Variants in SRP19 observed in about 807,000 individuals in gnomAD.
SRP19 encodes the protein signal recognition particle 19, also known as signal recognition particle 19 kDa protein.
A neutral mutation model predicts 22.4 loss-of-function variants in SRP19; 11 were observed. The ratio of observed to expected loss-of-function variants is 0.49; its 90% CI spans 0.31 to 0.81. The LOEUF (loss-of-function observed/expected upper bound fraction) is 0.81. Among genes scored for constraint, SRP19 ranks in the 40% least tolerant of loss-of-function variants. SRP19 has a pLI of 0.05. For synonymous variants in SRP19, 61 were observed against 57.6 expected (o/e 1.06, Z -0.27); for missense variants, 168 against 175.9 (o/e 0.96, Z 0.25).
intron 4 of SRP19, among the ~76,000 whole-genome samples, chr5:112,884,518 C>T (rs1768172424): frequency 6.6e-6 from 1 of 151,968 alleles, no homozygotes; most frequent in Non-Finnish European, 1.5e-5. Flanking sequence ...GCTGGCACCA[C>T]AGGCTTGCAT....
At chr5:112,898,053 T>C (rs153552), downstream of SRP19, 78,992 of 152,052 alleles carry the variant, frequency 0.52, 21,651 homozygotes, top group African/African-American at 0.7. Context: ...AGCAACACTC[T>C]GTCCCAAAAA....
intron 4 of SRP19, among the ~76,000 whole-genome samples, chr5:112,880,625 G>A (rs981967043): frequency 6.6e-6 from 1 of 152,226 alleles, no homozygotes; most frequent in Non-Finnish European, 1.5e-5. Context: ...AGTCTAAAAT[G>A]TGGCAGCATG....
chr5:112,873,226 T>C (rs1767795681), downstream of SRP19, among the ~76,000 whole-genome samples: 1 of 150,184 alleles, frequency 6.7e-6, no homozygotes, highest in Non-Finnish European at 1.5e-5. Context: ...TTCTTGGTAC[T>C]CTTTTATTTG....
chr5:112,891,358 C>T (rs1195487996), intron 4 of SRP19, among the ~76,000 whole-genome samples: 1 of 152,116 alleles, frequency 6.6e-6, no homozygotes, highest in Admixed American at 6.5e-5. Flanking sequence ...CAGGAGTGAG[C>T]CACCGCACCT....
At chr5:112,862,254 A>AGTCT (rs1767428321) in intron 1 of SRP19, 1 of 545,928 alleles carries the variant, frequency 1.8e-6, no homozygotes, top group South Asian at 2.1e-5. Context: ...GACCTGTGCC[A>AGTCT]GTCTGATTGG....
intron 1 of SRP19, 94 bp downstream of exon 1, chr5:112,861,511 A>G: frequency 1.6e-5 from 23 of 1,394,876 alleles, no homozygotes; most frequent in Non-Finnish European, 2.1e-5. Flanking sequence ...GGCCTCCAGA[A>G]TGGCCTAGCT....
intron 4 of SRP19, among the ~76,000 whole-genome samples, chr5:112,883,819 C>T (rs1768148788): frequency 6.6e-6 from 1 of 152,080 alleles, no homozygotes; most frequent in South Asian, 2.1e-4. Context: ...ACCTGTTCTA[C>T]CCAGTCTTCT....
chr5:112,883,544 A>C (rs555396457), intron 4 of SRP19, among the ~76,000 whole-genome samples: 3 of 151,518 alleles, frequency 2.0e-5, no homozygotes, highest in African/African-American at 7.3e-5. Context: ...TAAACCTTAG[A>C]CTCCCCAGCG....
exon 5 of SRP19, chr5:112,892,768 C>T: frequency 6.2e-7 from 1 of 1,613,982 alleles, no homozygotes. Context: ...CCACCACGAC[C>T]ACTACTACAG....
intron 2 of SRP19, among the ~76,000 whole-genome samples, chr5:112,863,266 C>T (rs1274703254): frequency 6.6e-6 from 1 of 152,160 alleles, no homozygotes; most frequent in Non-Finnish European, 1.5e-5. Context: ...GAATTACACA[C>T]TATGTAATTT....
intron 4 of SRP19, among the ~76,000 whole-genome samples, chr5:112,888,755 A>G (rs1201888690): frequency 6.6e-6 from 1 of 150,934 alleles, no homozygotes. Flanking sequence ...GCATGGTGGC[A>G]TGCACCTGTA....
intron 4 of SRP19, among the ~76,000 whole-genome samples, chr5:112,865,605 A>ATT (rs764675780): frequency 3.4e-5 from 5 of 145,056 alleles, no homozygotes; most frequent in East Asian, 2.0e-4. Flanking sequence ...AGCTTGTTTG[A>ATT]TTTTTTTTTT....
chr5:112,892,230 T>C (rs918209061), exon 5 of SRP19: 1 of 1,614,036 alleles, frequency 6.2e-7, no homozygotes, highest in African/African-American at 1.3e-5. Context: ...GTAAACATAA[T>C]TTCCCAACAT....
downstream of SRP19, chr5:112,894,418 C>G (rs1768615399): frequency 6.6e-6 from 1 of 152,086 alleles, no homozygotes; most frequent in Admixed American, 6.6e-5. Context: ...ACCCTGCTGC[C>G]TTTTGGTTTT....
chr5:112,875,136 T>TAAGA (rs1255268757), intron 4 of SRP19, among the ~76,000 whole-genome samples: 3 of 152,182 alleles, frequency 2.0e-5, no homozygotes, highest in Non-Finnish European at 2.9e-5. Flanking sequence ...GTGTATGTTG[T>TAAGA]AAGATTTTAA....
intron 4 of SRP19, among the ~76,000 whole-genome samples, chr5:112,881,345 T>A (rs1047246645): frequency 3.3e-5 from 5 of 152,112 alleles, no homozygotes; most frequent in African/African-American, 1.2e-4. Context: ...TACTTCCCCA[T>A]GGTCAGGCAA....
rs777092508 is a variant in SRP19 at position 112,867,473 on chromosome 5, G to A, written c.371G>A (p.Gly124Asp). The A allele has an allele frequency of 1.2e-6, 2 of 1,613,936 alleles. No homozygotes were observed. Among genetic ancestry groups the A allele is most frequent in the South Asian group, 1.1e-5 (1 of 91,074 alleles). ...KLKTRTQKTG[G>D]ADQSLQQGEG... ...AAAACAAGGACACAAAAAACAGGAG[G>A]TGCTGACCAAAGTCTTCAACAAGGA... Residue 124 changes from glycine to aspartate, a missense_variant, in exon 5 of 5, where the codon GGT (glycine) becomes GAT (aspartate). Coordinates refer to ENST00000505459, the MANE Select transcript of SRP19 (RefSeq NM_003135.3).
chr5:112,893,582 G>A (rs1768573976), downstream of SRP19: 1 of 152,796 alleles, frequency 6.5e-6, no homozygotes, highest in African/African-American at 2.4e-5. Flanking sequence ...ACTGAGCACA[G>A]ATCTTGGAAA....
chr5:112,880,033 C>T (rs188643575), intron 4 of SRP19, among the ~76,000 whole-genome samples: 1 of 151,958 alleles, frequency 6.6e-6, no homozygotes, highest in Non-Finnish European at 1.5e-5. Context: ...TGTATTTATA[C>T]TCTTATTGTG....
Sources: allele counts gnomAD v4.1 joint callset (sites outside exome capture counted in the v4.1 genomes callset), GRCh38; gene constraint gnomAD v4.1.1; transcripts MANE v1.5; gene names NCBI Gene and HGNC (gene_info 2026-07-23, HGNC 2026-07-21).